ATP11B: variants seen among roughly 807,000 people sequenced by gnomAD.
ATP11B encodes the protein ATPase phospholipid transporting 11B (putative).
In ATP11B, 81 loss-of-function variants were observed where a neutral mutation model predicts 157.8. The ratio of observed to expected loss-of-function variants is 0.51; its 90% CI spans 0.43 to 0.62. The LOEUF (loss-of-function observed/expected upper bound fraction) is 0.62. ATP11B is among the 20% of genes least tolerant of loss of function. The probability of loss-of-function intolerance (pLI) is 0.00; values close to 1 mark genes in which losing one functional copy is unlikely to be tolerated. For synonymous variants in ATP11B, 451 were observed against 469.4 expected, an observed-to-expected ratio of 0.96 and a Z score of 0.51; for missense variants, 1,165 against 1,402.2, an observed-to-expected ratio of 0.83 and a Z score of 2.70.
chr3:182,795,749 G>A (rs1418212913), intron 1 of ATP11B, among the ~76,000 whole-genome samples: 1 of 152,164 alleles, frequency 6.6e-6, no homozygotes, highest in Admixed American at 6.5e-5. Flanking sequence ...TGGATACAGA[G>A]TAATGAAAGT....
At chr3:182,811,267 A>G (rs935923503) in intron 1 of ATP11B, among the ~76,000 whole-genome samples, 4 of 152,184 alleles carry the variant, frequency 2.6e-5, no homozygotes, top group Non-Finnish European at 5.9e-5. Flanking sequence ...TGGTAATTGC[A>G]TTCCTGGAAA....
chr3:182,897,445 C>A, intron 27 of ATP11B, 39 bp downstream of exon 27: 1 of 1,305,266 alleles, frequency 7.7e-7, no homozygotes, highest in Non-Finnish European at 1.1e-6. Context: ...ATTGCTTCAA[C>A]TATAATAAAC....
chr3:182,872,513 T>G lies in ATP11B; in HGVS notation c.2024T>G (p.Leu675Arg). ...TTCATAGAGAAAGACCTGATATTACTTGGAGCCACAGCAGTAGAAGACAGG... is the reference window on the plus strand; with the variant it reads ...TTCATAGAGAAAGACCTGATATTACGTGGAGCCACAGCAGTAGAAGACAGG... Reference protein sequence around the residue: ...FQFIEKDLILLGATAVEDRLQ... With the variant: ...FQFIEKDLILRGATAVEDRLQ... The change falls in exon 18 of 30, where the codon CTT becomes CGT. Residue 675 changes from leucine (L) to arginine (R), a missense_variant. Transcript: ENST00000323116. 6.2e-7 allele frequency: 1 copy of G among 1,613,180 alleles called. No homozygotes were observed. The highest frequency in any genetic ancestry group is 8.5e-7 in the Non-Finnish European group (1 of 1,179,694).
intron 28 of ATP11B, among the ~76,000 whole-genome samples, chr3:182,909,011 A>G (rs1724580653): frequency 6.6e-6 from 1 of 152,240 alleles, no homozygotes; most frequent in Non-Finnish European, 1.5e-5. Flanking sequence ...TAATTGTTTG[A>G]CAGTTATTAT....
At chr3:182,838,851 G>T (rs765800235) in intron 7 of ATP11B, among the ~76,000 whole-genome samples, 32 of 151,504 alleles carry the variant, frequency 2.1e-4, no homozygotes, top group Non-Finnish European at 4.4e-4. Context: ...ATATGTCCAA[G>T]TAGGAAAATG....
intron 22 of ATP11B, 104 bp from the exon 23 acceptor site, chr3:182,885,847 A>G (rs1722761226): frequency 1.5e-6 from 1 of 667,340 alleles, no homozygotes; most frequent in Non-Finnish European, 2.4e-6. Flanking sequence ...TACCATACCA[A>G]CTGAGATTGT....
At chr3:182,794,701 AC>A in intron 1 of ATP11B, among the ~76,000 whole-genome samples, 1 of 152,348 alleles carries the variant, frequency 6.6e-6, no homozygotes, top group Middle Eastern at 3.4e-3. Flanking sequence ...CCTGGCAGCT[AC>A]AGCGCAGAAA....
intron 4 of ATP11B, 117 bp from the exon 5 acceptor site, chr3:182,835,918 C>T: frequency 3.0e-6 from 2 of 677,946 alleles, no homozygotes; most frequent in Non-Finnish European, 2.5e-6. Context: ...TCCAAATAGC[C>T]TCATATGATT....
chr3:182,810,814 C>G (rs1389114394), intron 1 of ATP11B, among the ~76,000 whole-genome samples: 4 of 152,174 alleles, frequency 2.6e-5, no homozygotes, highest in Non-Finnish European at 5.9e-5. Flanking sequence ...ATAGTGAATA[C>G]TTGTGGTATA....
At chr3:182,872,304 GT>G in intron 17 of ATP11B, 51 bp from the exon 18 acceptor site, 1 of 1,315,512 alleles carries the variant, frequency 7.6e-7, no homozygotes, top group Non-Finnish European at 1.0e-6. Context: ...TTGATTTTCT[GT>G]TTGTTGTTTG....
intron 10 of ATP11B, among the ~76,000 whole-genome samples, chr3:182,851,158 A>C (rs1373133424): frequency 6.6e-6 from 1 of 152,082 alleles, no homozygotes; most frequent in African/African-American, 2.4e-5. Context: ...TGGGTGTGGT[A>C]GTGTGCGCCT....
At position 182,867,380 on chromosome 3, in the gene ATP11B, G is replaced by T; in HGVS notation, c.1624G>T (p.Gly542Cys). Residue 542 changes from glycine (G) to cysteine (C), a missense_variant, in exon 15 of 30, where the codon GGT becomes TGT. Gly to Cys is a radical substitution (Grantham distance 159, BLOSUM62 -3). Coordinates refer to ENST00000323116, the MANE Select transcript of ATP11B (RefSeq NM_014616.3). Reference sequence around the variant, plus strand: ...TTTTATCCTTTTGATGTCTAGGATTGGTATTGTGTTTATTGGCAATTCTGA... The same window carrying T: ...TTTTATCCTTTTGATGTCTAGGATTTGTATTGTGTTTATTGGCAATTCTGA... ...KALVEAAARIGIVFIGNSEET... is the reference protein window; with the variant it reads ...KALVEAAARICIVFIGNSEET... The T allele has an allele frequency of 6.3e-7, 1 of 1,599,306 alleles. No individual in the cohort carries two copies. The highest frequency in any genetic ancestry group is 1.1e-5 in the South Asian group (1 of 90,644).
chr3:182,841,047 C>G (rs1208571813), intron 7 of ATP11B, among the ~76,000 whole-genome samples: 1 of 152,006 alleles, frequency 6.6e-6, no homozygotes, highest in African/African-American at 2.4e-5. Flanking sequence ...CTAGCTCATC[C>G]TGCCCATACA....
chr3:182,872,631 C>T (rs1234143536), intron 18 of ATP11B, 94 bp downstream of exon 18: 1 of 1,065,422 alleles, frequency 9.4e-7, no homozygotes, highest in Non-Finnish European at 1.3e-6. Flanking sequence ...TCTTTACTAA[C>T]ATCCCATGAT....
At chr3:182,859,090 A>T in intron 11 of ATP11B, 72 bp from the exon 12 acceptor site, 2 of 1,117,920 alleles carry the variant, frequency 1.8e-6, no homozygotes, top group Non-Finnish European at 2.6e-6. Flanking sequence ...ACTTTCTGGT[A>T]ATTTTCATCA....
intron 4 of ATP11B, among the ~76,000 whole-genome samples, chr3:182,833,330 C>T (rs1047379120): frequency 6.6e-6 from 1 of 151,944 alleles, no homozygotes; most frequent in Non-Finnish European, 1.5e-5. Flanking sequence ...GGGCCTATGT[C>T]CTTAATTTTA....
At chr3:182,912,805 C>T (rs1724883384) in intron 28 of ATP11B, among the ~76,000 whole-genome samples, 2 of 152,290 alleles carry the variant, frequency 1.3e-5, no homozygotes, top group Middle Eastern at 3.4e-3. Flanking sequence ...TCCCAACCTT[C>T]GTGGAAGTGC....
At chr3:182,808,634 T>C (rs1716471173) in intron 1 of ATP11B, among the ~76,000 whole-genome samples, 1 of 152,184 alleles carries the variant, frequency 6.6e-6, no homozygotes, top group African/African-American at 2.4e-5. Context: ...CTCAGTGGTC[T>C]ATGGCAAAAT....
Position 182,806,170 on chromosome 3 carries a change from G to T in ATP11B, c.27+12384G>T, listed in dbSNP as rs562883016. Among the ~76,000 whole-genome samples the T allele has an allele frequency of 7.9e-5, 12 of 152,252 alleles. No homozygotes were observed. The East Asian group carries it at 2.3e-3, about 29-fold the overall frequency. ...AGATTAATGGTTACTTTAGCTCTAC[G>T]TATTGGAGATACTACTTATTCCATT... is the stretch of plus-strand genomic sequence containing the variant. On this transcript the variant is annotated intron_variant, in intron 1 of 29. Coordinates refer to ENST00000323116, the MANE Select transcript of ATP11B (RefSeq NM_014616.3).
Sources: allele counts gnomAD v4.1 joint callset (sites outside exome capture counted in the v4.1 genomes callset), GRCh38; gene constraint gnomAD v4.1.1; transcripts MANE v1.5; gene names NCBI Gene and HGNC (gene_info 2026-07-23, HGNC 2026-07-21).